The following TNS4 variants were observed in gnomAD, a reference collection of about 807,000 sequenced individuals.
The protein encoded by TNS4 is tensin 4.
TNS4 carries 46 observed loss-of-function variants against 70.4 expected under a neutral mutation model. The ratio of observed to expected loss-of-function variants is 0.65; its 90% confidence interval spans 0.52 to 0.84. TNS4 has a LOEUF of 0.84. TNS4 is among the 40% of genes least tolerant of loss of function. The probability of loss-of-function intolerance (pLI) is 0.00; values close to 1 mark genes in which losing one functional copy is unlikely to be tolerated. For missense variants in TNS4, 863 were observed against 907.0 expected (o/e 0.95, Z 0.62); for synonymous variants, 390 against 366.6 (o/e 1.06, Z -0.73).
At position 40,496,180 on chromosome 17, in the gene TNS4, G is replaced by GGAC. The variant is rs2036140436; in HGVS notation, c.243_245dup (p.Ser82dup). 1 of 1,608,224 alleles carries GGAC rather than the reference G, an allele frequency of 6.2e-7. No individual in the cohort carries two copies. The highest frequency in any genetic ancestry group is 1.3e-5 in the African/African-American group (1 of 74,804). On this transcript the variant is annotated inframe_insertion, in exon 2 of 13. Coordinates refer to ENST00000254051, the MANE Select transcript of TNS4 (RefSeq NM_032865.6). ...GGGTCCCCAAGGCCTTCTCACCAGG[G>GGAC]GACGGCAGGAAGCAGGTGGCTTTGG...
rs1393027288 is a variant in TNS4, at chr17:40,476,964, T to C, written c.*624A>G. 1 of 152,174 alleles carries C rather than the reference T, an allele frequency of 6.6e-6. No homozygotes were observed. Among genetic ancestry groups the C allele is most frequent in the Non-Finnish European group, 1.5e-5 (1 of 68,068 alleles). 9.4% of individuals were successfully genotyped at this position (152,174 alleles called of 1,614,324 possible). A position where few individuals can be genotyped will look rare whatever the true frequency, so the allele number is the denominator to read the frequency against. ...GGTCTCCTCTGACCATGGGGACAAG[T>C]TCCCCCTGCTGAGCTGCCCTAAATA... On this transcript the variant is annotated 3_prime_UTR_variant, in exon 13 of 13. Coordinates refer to ENST00000254051, the MANE Select transcript of TNS4 (RefSeq NM_032865.6).
chr17:40,489,750 G>T (rs527919018), intron 2 of TNS4, among the ~76,000 whole-genome samples: 33 of 146,604 alleles, frequency 2.3e-4, no homozygotes, highest in African/African-American at 8.1e-4. Flanking sequence ...AGCCGAGATT[G>T]CGCCACTGCA....
At chr17:40,480,488 T>C (rs933961619) in intron 9 of TNS4, among the ~76,000 whole-genome samples, 3 of 151,654 alleles carry the variant, frequency 2.0e-5, no homozygotes, top group African/African-American at 7.3e-5. Flanking sequence ...CCCCCCACCC[T>C]GCCCCACTTC....
intron 2 of TNS4, 32 bp downstream of exon 2, chr17:40,495,955 C>A (rs1342211270): frequency 6.4e-7 from 1 of 1,570,348 alleles, no homozygotes; most frequent in South Asian, 1.2e-5. Context: ...GGCACCAAGC[C>A]CCCCTCCTGG....
rs758228848 is a variant in TNS4, at chr17:40,479,702, C to T, written c.1882G>A (p.Gly628Ser). The change falls in exon 10 of 13, where the codon GGC becomes AGC. Residue 628 changes from glycine (G) to serine (S), a missense_variant. Physicochemically the swap from Gly to Ser is moderately conservative, Grantham distance 56. Coordinates refer to ENST00000254051, the MANE Select transcript of TNS4 (RefSeq NM_032865.6). ...TVVHFKVTEQ[G>S]ITLTDVQRKV... ...CTCTGGACATCAGTCAGAGTGATGCCCTGCTCTGTGACTTTGAAGTGGACC... is the reference window on the plus strand; with the variant it reads ...CTCTGGACATCAGTCAGAGTGATGCTCTGCTCTGTGACTTTGAAGTGGACC... The T allele has an allele frequency of 6.2e-7, 1 of 1,614,050 alleles. No homozygotes were observed. Among genetic ancestry groups the T allele is most frequent in the East Asian group, 2.2e-5 (1 of 44,890 alleles).
chr17:40,495,749 T>C (rs953242614), intron 2 of TNS4, among the ~76,000 whole-genome samples: 1 of 152,176 alleles, frequency 6.6e-6, no homozygotes, highest in African/African-American at 2.4e-5. Context: ...CATAAAATCA[T>C]AGAAAATCAG....
intron 2 of TNS4, among the ~76,000 whole-genome samples, chr17:40,489,568 G>C (rs1052575324): frequency 2.6e-5 from 4 of 152,114 alleles, no homozygotes; most frequent in African/African-American, 9.7e-5. Flanking sequence ...AGCACTTTGG[G>C]AGGCCTAGGC....
intron 9 of TNS4, 93 bp downstream of exon 9, chr17:40,480,607 C>T (rs1447084249): frequency 9.8e-6 from 12 of 1,218,280 alleles, no homozygotes; most frequent in East Asian, 2.9e-5. Flanking sequence ...TGTGCCTGTG[C>T]GTGTGTGCGT....
intron 1 of TNS4, 104 bp from the exon 2 acceptor site, chr17:40,496,624 A>T (rs1444584690): frequency 3.4e-6 from 2 of 591,254 alleles, no homozygotes; most frequent in Non-Finnish European, 5.7e-6. Flanking sequence ...AAAAGCATGG[A>T]TGCTGGAGCC....
At chr17:40,497,351 C>A (rs963118796) in intron 1 of TNS4, among the ~76,000 whole-genome samples, 4 of 152,160 alleles carry the variant, frequency 2.6e-5, no homozygotes, top group Non-Finnish European at 5.9e-5. Flanking sequence ...CACCTGTAAT[C>A]CCAGCACTTT....
chr17:40,491,842 G>A (rs1050682755), intron 2 of TNS4, among the ~76,000 whole-genome samples: 20 of 152,244 alleles, frequency 1.3e-4, no homozygotes, highest in Non-Finnish European at 2.1e-4. Flanking sequence ...GAGGGAGGGC[G>A]TGTGGGTGAG....
chr17:40,479,089 C>T (rs1230288185), intron 10 of TNS4, among the ~76,000 whole-genome samples: 1 of 152,180 alleles, frequency 6.6e-6, no homozygotes, highest in Non-Finnish European at 1.5e-5. Context: ...GAAGATGTTC[C>T]ATCAATGGGT....
intron 1 of TNS4, among the ~76,000 whole-genome samples, 166 bp from the exon 2 acceptor site, chr17:40,496,686 TG>T (rs2036149993): frequency 6.6e-6 from 1 of 152,358 alleles, no homozygotes; most frequent in Middle Eastern, 3.4e-3. Context: ...TGTATAACCT[TG>T]GGCAAGTTAA....
chr17:40,491,331 TA>T (rs71152675), intron 2 of TNS4, among the ~76,000 whole-genome samples: 45,901 of 152,028 alleles, frequency 0.3, 7,265 homozygotes, highest in South Asian at 0.41. Context: ...ACATTGCTTG[TA>T]TTAGCTCCTT....
chr17:40,491,031 T>C (rs2143815208), intron 2 of TNS4, among the ~76,000 whole-genome samples: 1 of 151,868 alleles, frequency 6.6e-6, no homozygotes, highest in South Asian at 2.1e-4. Context: ...AAGAAGAGAG[T>C]GTTTGGGGCA....
Position 40,477,484 on chromosome 17 carries a change from T to C in TNS4, c.*104A>G. 1 of 1,480,156 alleles carries C rather than the reference T, an allele frequency of 6.8e-7. No homozygotes were observed. Among genetic ancestry groups the C allele is most frequent in the South Asian group, 1.3e-5 (1 of 78,382 alleles). 91.7% of individuals were successfully genotyped at this position (1,480,156 alleles called of 1,614,324 possible). ...ATGCCAATCCCCCTAGTCCCATAGA[T>C]TGGTCTGTCAATATGGCCACAAGCC... On this transcript the variant is annotated 3_prime_UTR_variant, in exon 13 of 13. Transcript: ENST00000254051.
intron 2 of TNS4, among the ~76,000 whole-genome samples, chr17:40,495,625 C>A (rs1196368206): frequency 1.3e-5 from 2 of 152,146 alleles, no homozygotes; most frequent in East Asian, 3.8e-4. Flanking sequence ...CCAGGTTAGG[C>A]TCTGAAGTGA....
In TNS4 at chr17:40,487,282, G is replaced by T. The variant is rs1219221033; in HGVS notation, c.1042C>A (p.Pro348Thr). The T allele has an allele frequency of 6.2e-7, 1 of 1,614,214 alleles. No individual in the cohort carries two copies. The highest frequency in any genetic ancestry group is 2.2e-5 in the East Asian group (1 of 44,884). The stretch of plus-strand genomic sequence containing the variant: ...TCTTTGGCCAGTGGTGGAGAGTGGG[G>T]TGTTCTGGGTTGGCCCATGGTTAGG... ...PTLTMGQPRT[P>T]HSPPLAKEHA... The change falls in exon 4 of 13, where the codon CCC (proline) becomes ACC (threonine). Residue 348 changes from proline to threonine, a missense_variant. Coordinates refer to ENST00000254051, the MANE Select transcript of TNS4 (RefSeq NM_032865.6).
At position 40,488,883 on chromosome 17, in the gene TNS4, AG is replaced by A; in HGVS notation, c.525del (p.Phe176SerfsTer165). On this transcript the variant is annotated frameshift_variant, in exon 3 of 13. Transcript: ENST00000254051. LOFTEE classifies it high-confidence loss of function. Reference sequence around the variant, plus strand: ...AGGCCACCACTGCGAAGGGAGCCGAAGGGCGGGGTGACAGAGGGGCTGGAGC... The same window carrying A: ...AGGCCACCACTGCGAAGGGAGCCGAAGGCGGGGTGACAGAGGGGCTGGAGC... ...QHCSSPSVTP[P>X]FGSLRSGGLL... The A allele has an allele frequency of 6.2e-7, 1 of 1,613,182 alleles. No homozygotes were observed. Among genetic ancestry groups the A allele is most frequent in the Non-Finnish European group, 8.5e-7 (1 of 1,179,792 alleles).
Sources: gnomAD v4.1 joint callset for allele counts (sites outside exome capture counted in the v4.1 genomes callset) on GRCh38, gnomAD v4.1.1 for gene constraint, MANE v1.5 for transcripts, NCBI Gene and HGNC (gene_info 2026-07-23, HGNC 2026-07-21) for gene names.